ATP2B1: variants seen among roughly 807,000 people sequenced by gnomAD.
ATP2B1 encodes ATPase plasma membrane Ca2+ transporting 1.
ATP2B1 carries 14 observed loss-of-function variants against 124.2 expected under a neutral mutation model. The observed-to-expected ratio is 0.11, with a 90% CI of 0.07 to 0.18. The LOEUF (loss-of-function observed/expected upper bound fraction) is 0.18, where lower values mean the gene tolerates loss of function less well. ATP2B1 is among the 10% of genes least tolerant of loss of function. The pLI is 1.00. For missense variants in ATP2B1, 763 were observed against 1,466.1 expected (o/e 0.52, Z 7.83); for synonymous variants, 449 against 492.4 (o/e 0.91, Z 1.17).
At chr12:89,694,725 A>G (rs1890927573) in intron 1 of ATP2B1, among the ~76,000 whole-genome samples, 3 of 152,118 alleles carry the variant, frequency 2.0e-5, no homozygotes, top group Non-Finnish European at 4.4e-5. Context: ...AACCCTCCAA[A>G]TGTAATTGTG....
intron 1 of ATP2B1, among the ~76,000 whole-genome samples, chr12:89,662,799 T>C (rs1322352082): frequency 6.6e-6 from 1 of 152,108 alleles, no homozygotes; most frequent in Non-Finnish European, 1.5e-5. Flanking sequence ...ACTTATCTAG[T>C]AGACTCTTCC....
intron 2 of ATP2B1, 166 bp downstream of exon 2, chr12:89,655,513 T>G (rs1885845839): frequency 4.6e-6 from 3 of 656,154 alleles, no homozygotes; most frequent in Non-Finnish European, 5.1e-6. Flanking sequence ...TGTGTTAATA[T>G]AAAAATACTT....
chr12:89,668,975 T>C (rs1887612317), intron 1 of ATP2B1, among the ~76,000 whole-genome samples: 3 of 152,236 alleles, frequency 2.0e-5, no homozygotes, highest in Admixed American at 2.0e-4. Flanking sequence ...CTCTCTACTC[T>C]GACTCCATGG....
At chr12:89,623,146 C>A (rs937716198) in intron 9 of ATP2B1, among the ~76,000 whole-genome samples, 4 of 151,930 alleles carry the variant, frequency 2.6e-5, no homozygotes, top group African/African-American at 9.7e-5. Flanking sequence ...AAAAAAAATT[C>A]TTATCAAGAC....
intron 1 of ATP2B1, among the ~76,000 whole-genome samples, chr12:89,686,610 A>C (rs1890002638): frequency 6.6e-6 from 1 of 152,104 alleles, no homozygotes; most frequent in Non-Finnish European, 1.5e-5. Context: ...TACTGTAATA[A>C]ATGAATGTTA....
chr12:89,640,152 T>C (rs1311028805), intron 3 of ATP2B1, among the ~76,000 whole-genome samples: 4 of 152,204 alleles, frequency 2.6e-5, no homozygotes, highest in Non-Finnish European at 5.9e-5. Flanking sequence ...TAAAAGGGTA[T>C]AGCAGGAATC....
At position 89,591,131 on chromosome 12, in the gene ATP2B1, A is replaced by T. The variant is rs145954787; in HGVS notation, c.3516T>A (p.Pro1172=). ...IDDTDAEDDA[P]TKRNSSPPPS... ...GTGGAGGACTGGAGTTACGTTTTGT[A>T]GGAGCATCATCTTCGGCATCAGTGT... is the stretch of plus-strand genomic sequence containing the variant. Residue 1172 remains proline, a synonymous_variant, in exon 21 of 21, where the codon CCT becomes CCA. Transcript: ENST00000428670. 5.0e-6 allele frequency: 8 copies of T among 1,613,226 alleles called. No individual in the cohort carries two copies. The highest frequency in any genetic ancestry group is 6.8e-6 in the Non-Finnish European group (8 of 1,179,426).
intron 2 of ATP2B1, among the ~76,000 whole-genome samples, chr12:89,646,822 T>C (rs1324288595): frequency 6.6e-6 from 1 of 152,128 alleles, no homozygotes; most frequent in Non-Finnish European, 1.5e-5. Context: ...TCAAATGGGT[T>C]TTATTTGCAT....
At chr12:89,628,401 C>CAAA (rs567077317) in intron 6 of ATP2B1, among the ~76,000 whole-genome samples, 6 of 79,616 alleles carry the variant, frequency 7.5e-5, no homozygotes, top group African/African-American at 2.0e-4. Context: ...GACTCCGTCT[C>CAAA]AAAAAAAAAA....
At chr12:89,622,824 A>T (rs975546071) in intron 9 of ATP2B1, among the ~76,000 whole-genome samples, 7 of 152,160 alleles carry the variant, frequency 4.6e-5, no homozygotes, top group Admixed American at 4.6e-4. Flanking sequence ...ATAAAGGCTT[A>T]AAAAAGTAGT....
At position 89,624,184 on chromosome 12, in the gene ATP2B1, T is replaced by C. The variant is rs1335894492; in HGVS notation, c.1343A>G (p.Lys448Arg). 6.2e-7 allele frequency: 1 copy of C among 1,613,654 alleles called. No individual in the cohort carries two copies. Among genetic ancestry groups the C allele is most frequent in the Admixed American group, 1.7e-5 (1 of 59,992 alleles). Residue 448 changes from lysine to arginine, a missense_variant and splice_region_variant, in exon 9 of 21, where the codon AAA becomes AGA. Lys to Arg is a conservative substitution (Grantham distance 26). Around this residue, in one of 7 missense-constraint regions of ATP2B1, gnomAD observed 392 missense variants for 776.6 expected, o/e 0.50. Transcript: ENST00000428670. Reference sequence around the variant, plus strand: ...TCTACTGAACTATTTTCTACTTACTTTGACTGAATAAGCCAGTGAGATCGT... The same window carrying C: ...TCTACTGAACTATTTTCTACTTACTCTGACTGAATAAGCCAGTGAGATCGT... ...AVTISLAYSV[K>R]KMMKDNNLVR... is the part of the protein sequence containing the mutation.
intron 3 of ATP2B1, 88 bp from the exon 4 acceptor site, chr12:89,635,339 T>C: frequency 7.1e-7 from 1 of 1,402,084 alleles, no homozygotes; most frequent in Non-Finnish European, 9.5e-7. Flanking sequence ...ATTTTTGTGT[T>C]AATTATGTTT....
chr12:89,603,039 C>A lies in ATP2B1; in HGVS notation c.3060+4G>T, dbSNP rs1305194776. 1.2e-6 allele frequency: 2 copies of A among 1,609,962 alleles called. No individual in the cohort carries two copies. Among genetic ancestry groups the A allele is most frequent in the East Asian group, 4.5e-5 (2 of 44,760 alleles). ...ATTTGAAACTATCTTTTCCAATTACCCACCTGTACCACAAAAGTGCCTAAA... is the reference window on the plus strand; with the variant it reads ...ATTTGAAACTATCTTTTCCAATTACACACCTGTACCACAAAAGTGCCTAAA... On this transcript the variant is annotated splice_donor_region_variant and intron_variant, in intron 18 of 20. Coordinates refer to ENST00000428670, the MANE Select transcript of ATP2B1 (RefSeq NM_001366521.1). The surrounding 1 kb of genome is among the most constrained non-coding windows in gnomAD (Gnocchi z 4.3).
intron 9 of ATP2B1, among the ~76,000 whole-genome samples, chr12:89,623,912 AC>A (rs1880412073): frequency 6.6e-6 from 1 of 152,164 alleles, no homozygotes; most frequent in Non-Finnish European, 1.5e-5. Flanking sequence ...TATAACTATC[AC>A]GTAGAGAAAA....
chr12:89,662,604 A>G (rs1457485535), intron 1 of ATP2B1, among the ~76,000 whole-genome samples: 1 of 152,212 alleles, frequency 6.6e-6, no homozygotes, highest in Non-Finnish European at 1.5e-5. Flanking sequence ...AGTAATTTAT[A>G]TTAGATGAGT....
intron 1 of ATP2B1, among the ~76,000 whole-genome samples, chr12:89,659,704 C>T (rs188315124): frequency 5.0e-4 from 76 of 152,054 alleles, no homozygotes; most frequent in Non-Finnish European, 9.1e-4. Flanking sequence ...GGGCGGATCA[C>T]GAGGTCAGGA....
At position 89,603,348 on chromosome 12, in the gene ATP2B1, G is replaced by C. The variant is rs956399195; in HGVS notation, c.2849-94C>G. The C allele has an allele frequency of 3.5e-5, 36 of 1,026,980 alleles. No individual in the cohort carries two copies. Among genetic ancestry groups the C allele is most frequent in the Non-Finnish European group, 5.0e-5 (36 of 723,278 alleles). 63.6% of individuals were successfully genotyped at this position (1,026,980 alleles called of 1,614,324 possible). ...TACAACTTAGCTAGACCTTTTATTT[G>C]ATCTGAAATGGCAGCATGGAAGGAG... On this transcript the variant is annotated intron_variant, in intron 17 of 20. Coordinates refer to ENST00000428670, the MANE Select transcript of ATP2B1 (RefSeq NM_001366521.1). This position sits in a 1 kb window ranked among gnomAD's most constrained non-coding sequence, Gnocchi z 4.3.
chr12:89,601,999 T>C (rs1875943326), intron 18 of ATP2B1, among the ~76,000 whole-genome samples: 1 of 152,238 alleles, frequency 6.6e-6, no homozygotes, highest in Admixed American at 6.5e-5. Flanking sequence ...AAATATGGGC[T>C]AACTCAGGTG....
In ATP2B1 at chr12:89,610,484, T is replaced by C. The variant is rs1409934638; in HGVS notation, c.2272A>G (p.Ile758Val). The change falls in exon 14 of 21, where the codon ATT (isoleucine) becomes GTT (valine). Residue 758 changes from isoleucine (I) to valine (V), a missense_variant. Physicochemically the swap from Ile to Val is conservative, Grantham distance 29. This residue lies in a region of ATP2B1 where 51 missense variants were observed against 192.8 expected (regional missense o/e 0.26). Coordinates refer to ENST00000428670, the MANE Select transcript of ATP2B1 (RefSeq NM_001366521.1). ...GCAAGTACTCGAAGTTTTGGCCAAA[T>C]CTTGTCTATCCTCTCTTGCTCAATC... ...GEIEQERIDK[I>V]WPKLRVLARS... The C allele has an allele frequency of 6.2e-7, 1 of 1,613,600 alleles. No homozygotes were observed. The highest frequency in any genetic ancestry group is 1.3e-5 in the African/African-American group (1 of 74,904).
Sources: allele counts gnomAD v4.1 joint callset (sites outside exome capture counted in the v4.1 genomes callset), GRCh38; gene constraint gnomAD v4.1.1; regional missense constraint gnomAD v4.1.1; non-coding constraint Gnocchi (gnomAD v3.1); transcripts MANE v1.5; gene names NCBI Gene and HGNC (gene_info 2026-07-23, HGNC 2026-07-21).